The following KLHL4 variants were observed in gnomAD, a reference collection of about 807,000 sequenced individuals.
KLHL4 encodes kelch like family member 4.
In KLHL4, 17 loss-of-function variants were observed where a neutral mutation model predicts 45.8. The observed-to-expected ratio is 0.37, with a 90% confidence interval of 0.25 to 0.56. The LOEUF is 0.56. Among genes scored for constraint, KLHL4 ranks in the 20% least tolerant of loss-of-function variants. The pLI, the probability that KLHL4 is intolerant of heterozygous loss-of-function variation, is 0.79. For missense variants in KLHL4, 544 were observed against 544.9 expected (o/e 1.00, Z 0.02); for synonymous variants, 224 against 189.9 (o/e 1.18, Z -1.47).
At chrX:87,637,156 G>GAT (rs1006150154) in intron 9 of KLHL4, among the ~76,000 whole-genome samples, 12 of 111,296 alleles carry the variant, frequency 1.1e-4, no homozygotes, top group African/African-American at 3.9e-4. Context: ...CCTGAAGATG[G>GAT]ATCACATCAC....
chrX:87,557,353 A>G (rs756673855), intron 1 of KLHL4, among the ~76,000 whole-genome samples: 67 of 111,748 alleles, frequency 6.0e-4, no homozygotes, highest in Non-Finnish European at 8.5e-4. Context: ...CTCCAGATGT[A>G]GAGAACAATT....
intron 1 of KLHL4, among the ~76,000 whole-genome samples, chrX:87,527,829 AC>A (rs1445854476): frequency 4.1e-5 from 4 of 97,537 alleles, no homozygotes; most frequent in South Asian, 4.6e-4. Flanking sequence ...AAAAAAAAAA[AC>A]AATTGTTCTA....
chrX:87,643,359 G>T (rs1293511792), intron 9 of KLHL4, among the ~76,000 whole-genome samples: 1 of 110,799 alleles, frequency 9.0e-6, no homozygotes, highest in Non-Finnish European at 1.9e-5. Flanking sequence ...AAATCAGAAA[G>T]AATTAGATAC....
At chrX:87,548,341 T>C (rs1931728379) in intron 1 of KLHL4, among the ~76,000 whole-genome samples, 1 of 111,618 alleles carries the variant, frequency 9.0e-6, no homozygotes, top group African/African-American at 3.3e-5. Flanking sequence ...ACCAGACATG[T>C]CTACAAGAAA....
At chrX:87,632,997 T>G (rs1442366382) in intron 7 of KLHL4, among the ~76,000 whole-genome samples, 4 of 111,711 alleles carry the variant, frequency 3.6e-5, no homozygotes, top group Non-Finnish European at 7.5e-5. Flanking sequence ...ATAAATTGAC[T>G]CTGCCAAATA....
intron 1 of KLHL4, among the ~76,000 whole-genome samples, chrX:87,545,874 G>C (rs1042486676): frequency 1.8e-5 from 2 of 111,418 alleles, no homozygotes; most frequent in African/African-American, 6.5e-5. Context: ...GGGAACCGGT[G>C]TAAAGGTGAC....
chrX:87,530,150 T>G (rs1017118526), intron 1 of KLHL4, among the ~76,000 whole-genome samples: 2 of 111,221 alleles, frequency 1.8e-5, no homozygotes, highest in Non-Finnish European at 1.9e-5. Flanking sequence ...GTCAATTTTG[T>G]CTTTTGTTGC....
chrX:87,663,468 A>G (rs945171370), intron 9 of KLHL4, among the ~76,000 whole-genome samples: 3 of 112,573 alleles, frequency 2.7e-5, no homozygotes, highest in Admixed American at 1.9e-4. Context: ...ATCAAGCAGT[A>G]TCCAGATAAT....
At chrX:87,582,561 C>T (rs529475112) in intron 1 of KLHL4, among the ~76,000 whole-genome samples, 2 of 112,150 alleles carry the variant, frequency 1.8e-5, no homozygotes, top group South Asian at 7.3e-4. Flanking sequence ...AACCTCACCA[C>T]GAAAGAACTA....
intron 3 of KLHL4, 101 bp downstream of exon 3, chrX:87,614,671 TTCTTC>T: frequency 1.9e-5 from 14 of 718,701 alleles, no homozygotes; most frequent in South Asian, 3.4e-5. Flanking sequence ...ACTACTACTA[TTCTTC>T]ATAGTAGTAA....
chrX:87,609,760 G>C (rs930578698), intron 1 of KLHL4, among the ~76,000 whole-genome samples: 1 of 111,470 alleles, frequency 9.0e-6, no homozygotes, highest in Non-Finnish European at 1.9e-5. Flanking sequence ...AAGCTCTTTA[G>C]TTTAATTAGA....
chrX:87,631,379 G>A (rs1923090717), intron 6 of KLHL4, among the ~76,000 whole-genome samples: 1 of 111,288 alleles, frequency 9.0e-6, no homozygotes, highest in East Asian at 2.8e-4. Context: ...TGATTTGGGG[G>A]GCTGCTTTTG....
chrX:87,641,638 T>C (rs1340725442), intron 9 of KLHL4, among the ~76,000 whole-genome samples: 1 of 111,296 alleles, frequency 9.0e-6, no homozygotes, highest in Non-Finnish European at 1.9e-5. Context: ...GCAGGTATCC[T>C]GGGGCAAGTT....
chrX:87,566,156 T>C (rs904303179), intron 1 of KLHL4, among the ~76,000 whole-genome samples: 1 of 111,110 alleles, frequency 9.0e-6, no homozygotes, highest in Non-Finnish European at 1.9e-5. Flanking sequence ...CTACCAAACA[T>C]TTAAAAATAA....
intron 9 of KLHL4, among the ~76,000 whole-genome samples, chrX:87,638,488 C>A (rs1265269419): frequency 8.9e-6 from 1 of 111,886 alleles, no homozygotes; most frequent in Non-Finnish European, 1.9e-5. Context: ...AGAGTAAGAG[C>A]AGATATTTTA....
At chrX:87,590,592 T>G (rs925071894) in intron 1 of KLHL4, among the ~76,000 whole-genome samples, 7 of 111,336 alleles carry the variant, frequency 6.3e-5, no homozygotes, top group Non-Finnish European at 1.3e-4. Flanking sequence ...TCAAAATATA[T>G]TACAAAGGGA....
At chrX:87,523,225 C>T (rs1931038680) in intron 1 of KLHL4, among the ~76,000 whole-genome samples, 1 of 111,270 alleles carries the variant, frequency 9.0e-6, no homozygotes, top group African/African-American at 3.3e-5. Flanking sequence ...TCTTTCTGAC[C>T]CTTGCCCCTA....
rs183516299 is a variant in KLHL4, at chrX:87,669,712, T to C, written c.*3178T>C. ...GAAGAGATTTTTCAGTTGCTATTTC[T>C]CTTCGTAATGAATTTTCTTTACATC... On this transcript the variant is annotated 3_prime_UTR_variant, in exon 11 of 11. Coordinates refer to ENST00000373119, the MANE Select transcript of KLHL4 (RefSeq NM_019117.5). The C allele has an allele frequency of 2.2e-4, 38 of 171,371 alleles. No individual in the cohort carries two copies. In the East Asian group the frequency reaches 4.8e-3, roughly 21 times the overall value. The allele number at this position is 171,371 out of a possible 1,213,427, so 14.1% of individuals were successfully genotyped here.
chrX:87,521,972 A>G (rs1200406434), intron 1 of KLHL4, among the ~76,000 whole-genome samples: 1 of 112,407 alleles, frequency 8.9e-6, no homozygotes, highest in Non-Finnish European at 1.9e-5. Flanking sequence ...TCATACAGAG[A>G]CCTCTGCCTT....
Sources: gnomAD v4.1 joint callset for allele counts (sites outside exome capture counted in the v4.1 genomes callset) on GRCh38, gnomAD v4.1.1 for gene constraint, MANE v1.5 for transcripts, NCBI Gene and HGNC (gene_info 2026-07-23, HGNC 2026-07-21) for gene names.